IMPG2: variants seen among roughly 807,000 people sequenced by gnomAD.
IMPG2 encodes IPM 200.
Under a neutral mutation model 129.2 loss-of-function variants are expected in IMPG2, and 91 were observed. The ratio of observed to expected loss-of-function variants is 0.70; its 90% CI spans 0.59 to 0.84. IMPG2 has a LOEUF of 0.84. Among genes scored for constraint, IMPG2 ranks in the 40% least tolerant of loss-of-function variants. The probability of loss-of-function intolerance (pLI) is 0.00; values close to 1 mark genes in which losing one functional copy is unlikely to be tolerated. For synonymous variants in IMPG2, 510 were observed against 517.7 expected (o/e 0.99, Z 0.20); for missense variants, 1,430 against 1,461.7 (o/e 0.98, Z 0.35).
intron 3 of IMPG2, among the ~76,000 whole-genome samples, chr3:101,295,190 T>G (rs1332155317): frequency 2.6e-5 from 4 of 152,238 alleles, no homozygotes; most frequent in African/African-American, 9.6e-5. Flanking sequence ...CTAGGTTTTC[T>G]TCTAGGGTTT....
At chr3:101,317,669 T>C (rs1468712845) in intron 2 of IMPG2, among the ~76,000 whole-genome samples, 1 of 152,194 alleles carries the variant, frequency 6.6e-6, no homozygotes, top group African/African-American at 2.4e-5. Flanking sequence ...ATAATCTTGA[T>C]GTGGTGTGCC....
chr3:101,268,462 T>C lies in IMPG2; in HGVS notation c.888-931A>G, dbSNP rs1026536264. ...AGGTAAGTAGGACAACTTCAAATAT[T>C]TGGCCTCTTTCCACTAAGCCTGCAT... On this transcript the variant is annotated intron_variant, in intron 8 of 18. Coordinates refer to ENST00000193391, the MANE Select transcript of IMPG2 (RefSeq NM_016247.4). Among the ~76,000 whole-genome samples, 5 of 152,282 alleles carry C rather than the reference T, an allele frequency of 3.3e-5. 1 individual carries two copies. In the East Asian group the frequency reaches 9.6e-4, roughly 29 times the overall value.
chr3:101,228,767 T>C, intron 18 of IMPG2, 30 bp downstream of exon 18: 1 of 1,567,504 alleles, frequency 6.4e-7, no homozygotes. Flanking sequence ...AGTCTGTAGG[T>C]CGGGGTGGGG....
In IMPG2 at chr3:101,275,849, GTT is replaced by G; in HGVS notation, c.584-106_584-105del. ...ACTTCAAAAACCATTCCTATAAATA[GTT>G]TGTTTTATTGTCCTGGAAATTCGGT... On this transcript the variant is annotated intron_variant, in intron 5 of 18. Transcript: ENST00000193391. 5.8e-6 allele frequency: 5 copies of G among 855,654 alleles called. No homozygotes were observed. The East Asian group carries it at 1.0e-4, about 17-fold the overall frequency. 53.0% of individuals were successfully genotyped at this position (855,654 alleles called of 1,614,324 possible). A position where few individuals can be genotyped will look rare whatever the true frequency, so the allele number is the denominator to read the frequency against.
At chr3:101,230,339 G>A (rs1706272368) in intron 16 of IMPG2, among the ~76,000 whole-genome samples, 1 of 152,146 alleles carries the variant, frequency 6.6e-6, no homozygotes, top group South Asian at 2.1e-4. Flanking sequence ...CCCCATCAAT[G>A]AAGCAACACC....
intron 9 of IMPG2, among the ~76,000 whole-genome samples, chr3:101,266,551 T>G (rs1351344395): frequency 6.6e-6 from 1 of 152,164 alleles, no homozygotes; most frequent in Non-Finnish European, 1.5e-5. Flanking sequence ...CCATGCACAT[T>G]TATTAAATTG....
intron 18 of IMPG2, among the ~76,000 whole-genome samples, chr3:101,227,541 A>G (rs1337080257): frequency 1.3e-5 from 2 of 152,226 alleles, no homozygotes; most frequent in Non-Finnish European, 2.9e-5. Context: ...ACATTCAGGC[A>G]GGTAGCTTTG....
rs1706228450 is a variant in IMPG2 at position 101,226,683 on chromosome 3, T to TA, written c.*285dup. ...CAGAAGCAGACAGCAACTGCAGCCC[T>TA]AAATCCTAGGTCCAGCTTTTTCTTA... On this transcript the variant is annotated 3_prime_UTR_variant, in exon 19 of 19. Coordinates refer to ENST00000193391, the MANE Select transcript of IMPG2 (RefSeq NM_016247.4). The TA allele has an allele frequency of 5.0e-5, 19 of 381,544 alleles. No individual in the cohort carries two copies. The South Asian group carries it at 8.5e-4, about 17-fold the overall frequency. The allele number at this position is 381,544 out of a possible 1,614,324, so 23.6% of individuals were successfully genotyped here.
chr3:101,277,041 C>T (rs1298801913), intron 4 of IMPG2, among the ~76,000 whole-genome samples: 1 of 152,094 alleles, frequency 6.6e-6, no homozygotes, highest in Non-Finnish European at 1.5e-5. Context: ...TGCCTTAGTC[C>T]TCTAGCACAA....
chr3:101,249,271 G>A (rs1706518797), intron 11 of IMPG2, among the ~76,000 whole-genome samples: 1 of 152,102 alleles, frequency 6.6e-6, no homozygotes, highest in Admixed American at 6.5e-5. Flanking sequence ...TGAGACCCTG[G>A]ATGAGTGATA....
chr3:101,262,938 G>A (rs542133584), intron 9 of IMPG2, among the ~76,000 whole-genome samples: 1 of 151,676 alleles, frequency 6.6e-6, no homozygotes, highest in South Asian at 2.1e-4. Flanking sequence ...GTCCAAAGTT[G>A]AAAAAAGAGA....
chr3:101,224,483 C>T lies in IMPG2; in HGVS notation c.*2486G>A, dbSNP rs1228705290. On this transcript the variant is annotated 3_prime_UTR_variant, in exon 19 of 19. Coordinates refer to ENST00000193391, the MANE Select transcript of IMPG2 (RefSeq NM_016247.4). Reference sequence around the variant, plus strand: ...GTTCTAATACTCAGAAAATTTCATTCCTCAATTGTGCAGTGTAAATGACAG... The same window carrying T: ...GTTCTAATACTCAGAAAATTTCATTTCTCAATTGTGCAGTGTAAATGACAG... 3 of 152,174 alleles carry T rather than the reference C, an allele frequency of 2.0e-5. No homozygotes were observed. Among genetic ancestry groups the T allele is most frequent in the Non-Finnish European group, 4.4e-5 (3 of 68,036 alleles). The allele number at this position is 152,174 out of a possible 1,614,324, so 9.4% of individuals were successfully genotyped here. A position where few individuals can be genotyped will look rare whatever the true frequency, so the allele number is the denominator to read the frequency against.
At chr3:101,261,271 T>A (rs752516549) in intron 9 of IMPG2, among the ~76,000 whole-genome samples, 47 of 151,992 alleles carry the variant, frequency 3.1e-4, no homozygotes, top group Non-Finnish European at 5.4e-4. Context: ...AAAAAAACTT[T>A]AAGAAAAAAA....
chr3:101,254,419 T>C (rs576979518), intron 10 of IMPG2, among the ~76,000 whole-genome samples: 2 of 152,010 alleles, frequency 1.3e-5, no homozygotes, highest in African/African-American at 4.8e-5. Context: ...TAAACACAAA[T>C]TACAAAACAA....
Position 101,229,662 on chromosome 3 carries a change from A to G in IMPG2, c.3423-72T>C. 3.7e-6 allele frequency: 5 copies of G among 1,340,222 alleles called. No individual in the cohort carries two copies. The South Asian group carries it at 6.0e-5, about 16-fold the overall frequency. The allele number at this position is 1,340,222 out of a possible 1,614,324, so 83.0% of individuals were successfully genotyped here. A position where few individuals can be genotyped will look rare whatever the true frequency, so the allele number is the denominator to read the frequency against. ...CTATGTGGAAGACTATTTACCTGGG[A>G]CAATATTTCTGTTGAAGAAAAACAG... On this transcript the variant is annotated intron_variant, in intron 16 of 18. Coordinates refer to ENST00000193391, the MANE Select transcript of IMPG2 (RefSeq NM_016247.4).
Position 101,229,555 on chromosome 3 carries a change from A to G in IMPG2, c.3458T>C (p.Ile1153Thr), listed in dbSNP as rs1706262719. Residue 1153 changes from isoleucine (I) to threonine (T), a missense_variant, in exon 17 of 19, where the codon ATT becomes ACT. Physicochemically the swap from Ile to Thr is moderately conservative, Grantham distance 89. Coordinates refer to ENST00000193391, the MANE Select transcript of IMPG2 (RefSeq NM_016247.4). ...SSRQPDSLSS[I>T]ENAVKYNPVY... ...GGGGTTGTACTTCACAGCATTCTCA[A>G]TAGATGAGAGGCTGTCAGGCTGCCT... is the stretch of plus-strand genomic sequence containing the variant. 1 of 1,614,002 alleles carries G rather than the reference A, an allele frequency of 6.2e-7. No homozygotes were observed. Among genetic ancestry groups the G allele is most frequent in the Non-Finnish European group, 8.5e-7 (1 of 1,179,982 alleles).
intron 4 of IMPG2, among the ~76,000 whole-genome samples, chr3:101,290,940 T>C (rs1035857645): frequency 1.3e-5 from 2 of 152,202 alleles, no homozygotes; most frequent in African/African-American, 4.8e-5. Flanking sequence ...TTAGCCCCTG[T>C]AGGCTCAAAA....
At chr3:101,302,032 G>A (rs994477415) in intron 3 of IMPG2, among the ~76,000 whole-genome samples, 3 of 152,102 alleles carry the variant, frequency 2.0e-5, no homozygotes, top group Non-Finnish European at 4.4e-5. Flanking sequence ...TTGGTATATT[G>A]ACCGAGGTCA....
intron 10 of IMPG2, among the ~76,000 whole-genome samples, chr3:101,256,615 G>A (rs906077629): frequency 6.6e-6 from 1 of 152,026 alleles, no homozygotes; most frequent in Admixed American, 6.6e-5. Context: ...CTAGGTAGTA[G>A]CTGCCTGGAA....
Sources: gnomAD v4.1 joint callset for allele counts (sites outside exome capture counted in the v4.1 genomes callset) on GRCh38, gnomAD v4.1.1 for gene constraint, MANE v1.5 for transcripts, NCBI Gene and HGNC (gene_info 2026-07-23, HGNC 2026-07-21) for gene names.